GABRR3: variants seen among roughly 807,000 people sequenced by gnomAD.
The protein encoded by GABRR3 is gamma-aminobutyric acid receptor subunit rho-3.
A neutral mutation model predicts 43.2 loss-of-function variants in GABRR3; 29 were observed. The ratio of observed to expected loss-of-function variants is 0.67; its 90% CI spans 0.50 to 0.92. GABRR3 has a LOEUF of 0.92. Ranked by LOEUF, GABRR3 falls within the 40% of genes least tolerant of loss-of-function variation. GABRR3 has a pLI of 0.00. For synonymous variants in GABRR3, 206 were observed against 195.9 expected, an observed-to-expected ratio of 1.05 and a Z score of -0.43; for missense variants, 576 against 572.3, an observed-to-expected ratio of 1.01 and a Z score of -0.07.
intron 2 of GABRR3, among the ~76,000 whole-genome samples, chr3:98,034,007 G>C (rs1707122571): frequency 1.3e-5 from 2 of 152,132 alleles, no homozygotes; most frequent in South Asian, 4.1e-4. Flanking sequence ...TTTAGGATGT[G>C]AGAGCAATCT....
chr3:97,995,774 A>G (rs182429646), intron 8 of GABRR3, among the ~76,000 whole-genome samples: 4 of 152,302 alleles, frequency 2.6e-5, no homozygotes, highest in African/African-American at 9.6e-5. Context: ...AAATACATTA[A>G]TCTTGACAAA....
intron 2 of GABRR3, 53 bp from the exon 3 acceptor site, chr3:98,025,732 AT>A (rs1480175795): frequency 7.4e-6 from 9 of 1,214,404 alleles, no homozygotes; most frequent in Middle Eastern, 1.9e-4. Flanking sequence ...GCTTCTGGAT[AT>A]TTTGATTTAG....
chr3:98,012,896 T>G (rs1706820887), intron 4 of GABRR3, among the ~76,000 whole-genome samples: 1 of 152,222 alleles, frequency 6.6e-6, no homozygotes, highest in Non-Finnish European at 1.5e-5. Context: ...GAAAGGAACC[T>G]GAAACTTTAC....
chr3:98,026,359 G>T (rs1651096630), intron 2 of GABRR3, among the ~76,000 whole-genome samples: 1 of 152,148 alleles, frequency 6.6e-6, no homozygotes, highest in Non-Finnish European at 1.5e-5. Context: ...AGGAAAGCAG[G>T]CAGTGGCCTC....
intron 5 of GABRR3, 32 bp from the exon 6 acceptor site, chr3:98,009,070 G>C (rs766673124): frequency 2.6e-5 from 37 of 1,419,616 alleles, no homozygotes; most frequent in Non-Finnish European, 3.3e-5. Flanking sequence ...GAAAACTGCA[G>C]ATCATTTAAC....
chr3:97,992,964 T>C, exon 9 of GABRR3: 2 of 1,613,624 alleles, frequency 1.2e-6, no homozygotes, highest in Non-Finnish European at 1.7e-6. Context: ...CAGGTACACA[T>C]CCACAGCCTT....
At chr3:97,991,856 A>C (rs1553717648) in intron 9 of GABRR3, among the ~76,000 whole-genome samples, 3 of 152,058 alleles carry the variant, frequency 2.0e-5, no homozygotes, top group Non-Finnish European at 4.4e-5. Context: ...GTAAAAAAAA[A>C]CTTAAACCAA....
chr3:98,002,762 A>G (rs569124087), intron 7 of GABRR3, among the ~76,000 whole-genome samples: 40 of 152,300 alleles, frequency 2.6e-4, no homozygotes, highest in African/African-American at 8.2e-4. Context: ...TTCAAATAAC[A>G]TTATTCAAAA....
intron 9 of GABRR3, among the ~76,000 whole-genome samples, chr3:97,990,365 C>T (rs1472916531): frequency 1.3e-5 from 2 of 150,570 alleles, no homozygotes; most frequent in African/African-American, 2.4e-5. Context: ...TTTTTTTAGA[C>T]GGAGTCTTAT....
chr3:97,991,356 C>G (rs925843060), intron 9 of GABRR3, among the ~76,000 whole-genome samples: 2 of 152,176 alleles, frequency 1.3e-5, no homozygotes, highest in Non-Finnish European at 2.9e-5. Context: ...AGTCTCAGGT[C>G]CCACCCCAAA....
At chr3:98,003,558 G>T (rs1453982152) in intron 7 of GABRR3, among the ~76,000 whole-genome samples, 1 of 151,822 alleles carries the variant, frequency 6.6e-6, no homozygotes, top group African/African-American at 2.4e-5. Flanking sequence ...TATCAGGAAA[G>T]GTGGTGCTGC....
chr3:98,024,023 C>T (rs1176861114), intron 3 of GABRR3, among the ~76,000 whole-genome samples: 1 of 152,196 alleles, frequency 6.6e-6, no homozygotes, highest in African/African-American at 2.4e-5. Flanking sequence ...TCCTGATGCT[C>T]ACCAAAGTCT....
chr3:97,991,214 G>A (rs963619941), intron 9 of GABRR3, among the ~76,000 whole-genome samples: 3 of 152,236 alleles, frequency 2.0e-5, no homozygotes, highest in Admixed American at 2.0e-4. Context: ...AATAAAACAT[G>A]AAGAAAATTC....
At chr3:98,009,701 C>A (rs1706764248) in intron 5 of GABRR3, among the ~76,000 whole-genome samples, 1 of 152,154 alleles carries the variant, frequency 6.6e-6, no homozygotes, top group Admixed American at 6.5e-5. Context: ...TTGGTACCCA[C>A]AATAGCAGAT....
At chr3:98,027,861 C>T (rs546183807) in intron 2 of GABRR3, among the ~76,000 whole-genome samples, 61 of 152,034 alleles carry the variant, frequency 4.0e-4, no homozygotes, top group Non-Finnish European at 7.4e-4. Context: ...TTAAGTGTAT[C>T]CAGTGAATCT....
intron 9 of GABRR3, among the ~76,000 whole-genome samples, chr3:97,988,062 C>T (rs908100564): frequency 4.6e-5 from 7 of 151,974 alleles, no homozygotes; most frequent in East Asian, 1.9e-4. Context: ...ATGGCTCCCC[C>T]GACACCAGTT....
chr3:98,030,114 G>GA (rs35867090), intron 2 of GABRR3, among the ~76,000 whole-genome samples: 1,909 of 139,930 alleles, frequency 0.014, 31 homozygotes, highest in African/African-American at 0.045. Context: ...GACTGTCTTG[G>GA]AAAAAAAAAA....
At chr3:98,033,206 A>G (rs1166630220) in intron 2 of GABRR3, among the ~76,000 whole-genome samples, 2 of 152,168 alleles carry the variant, frequency 1.3e-5, no homozygotes, top group Non-Finnish European at 2.9e-5. Context: ...TGAAGAACAA[A>G]AGAAGCAGAT....
Position 97,993,052 on chromosome 3 carries a change from C to T in GABRR3, c.908-4G>A. ...ATGGTCAGCACTGTGGTGATTCCTG[C>T]CATTTGAGAATAGTGGCAAGCTCAG... On this transcript the variant is annotated splice_region_variant and splice_polypyrimidine_tract_variant and intron_variant, in intron 8 of 9. Transcript: ENST00000621172. The T allele has an allele frequency of 4.4e-6, 7 of 1,582,830 alleles. No individual in the cohort carries two copies. The highest frequency in any genetic ancestry group is 5.2e-6 in the Non-Finnish European group (6 of 1,162,746).
Sources: gnomAD v4.1 joint callset for allele counts (sites outside exome capture counted in the v4.1 genomes callset) on GRCh38, gnomAD v4.1.1 for gene constraint, MANE v1.5 for transcripts, NCBI Gene and HGNC (gene_info 2026-07-23, HGNC 2026-07-21) for gene names.